Variants in SULF1 observed in about 807,000 individuals in gnomAD.
SULF1 encodes extracellular sulfatase Sulf-1.
SULF1 carries 46 observed loss-of-function variants against 110.5 expected under a neutral mutation model. That is an observed-to-expected ratio of 0.42 (90% CI 0.33 to 0.53). The LOEUF is 0.53. Among genes scored for constraint, SULF1 ranks in the 20% least tolerant of loss-of-function variants. The pLI is 0.12. For synonymous variants in SULF1, 371 were observed against 387.1 expected (o/e 0.96, Z 0.49); for missense variants, 941 against 1,094.2 (o/e 0.86, Z 1.98).
At chr8:69,544,910 T>C (rs1381184486) in intron 3 of SULF1, among the ~76,000 whole-genome samples, 1 of 152,130 alleles carries the variant, frequency 6.6e-6, no homozygotes, top group Admixed American at 6.5e-5. Context: ...AAATCCATCA[T>C]TTGGGGGTTA....
At chr8:69,538,264 A>G (rs1586340859) in intron 3 of SULF1, among the ~76,000 whole-genome samples, 2 of 115,664 alleles carry the variant, frequency 1.7e-5, no homozygotes, top group Admixed American at 1.8e-4. Context: ...TGGTTTTTAC[A>G]TTTCTGTTGC....
At chr8:69,482,549 A>G (rs1809553471) in intron 1 of SULF1, among the ~76,000 whole-genome samples, 1 of 151,826 alleles carries the variant, frequency 6.6e-6, no homozygotes, top group Non-Finnish European at 1.5e-5. Flanking sequence ...GGAGGAATAT[A>G]TATATATATA....
chr8:69,546,011 G>C (rs926189536), intron 3 of SULF1, among the ~76,000 whole-genome samples: 1 of 152,068 alleles, frequency 6.6e-6, no homozygotes, highest in Non-Finnish European at 1.5e-5. Context: ...CTGTTTTATA[G>C]AACTGTCCCA....
At chr8:69,510,703 G>A (rs1257774115) in intron 3 of SULF1, among the ~76,000 whole-genome samples, 17 of 148,518 alleles carry the variant, frequency 1.1e-4, no homozygotes, top group African/African-American at 4.2e-4. Flanking sequence ...TGCAACCTCC[G>A]CCTCCTGGGT....
intron 3 of SULF1, among the ~76,000 whole-genome samples, chr8:69,542,740 A>G (rs1342344677): frequency 1.3e-5 from 2 of 152,232 alleles, no homozygotes; most frequent in East Asian, 3.8e-4. Context: ...AATTTAGGAA[A>G]AGGGAAAGAA....
intron 13 of SULF1, among the ~76,000 whole-genome samples, chr8:69,617,425 A>C (rs1809262083): frequency 6.0e-5 from 1 of 16,716 alleles, no homozygotes; most frequent in African/African-American, 2.3e-4. Flanking sequence ...ATATATATAT[A>C]TATATATATG....
chr8:69,491,153 T>G (rs557874657), upstream of SULF1, among the ~76,000 whole-genome samples: 2 of 152,318 alleles, frequency 1.3e-5, no homozygotes, highest in South Asian at 4.2e-4. Flanking sequence ...CCACGGTCGA[T>G]CCAACTAGCA....
chr8:69,555,930 G>A (rs1354831815), intron 3 of SULF1, among the ~76,000 whole-genome samples: 1 of 152,036 alleles, frequency 6.6e-6, no homozygotes, highest in Non-Finnish European at 1.5e-5. Flanking sequence ...AAAAATTTTT[G>A]CATTGCGCCA....
chr8:69,584,939 A>G (rs1806337598), intron 6 of SULF1, among the ~76,000 whole-genome samples: 4 of 152,254 alleles, frequency 2.6e-5, no homozygotes, highest in African/African-American at 4.8e-5. Flanking sequence ...GACCAATGTC[A>G]ATAAAGTGCT....
chr8:69,470,928 T>A (rs1039307445), intron 1 of SULF1, among the ~76,000 whole-genome samples: 1 of 152,186 alleles, frequency 6.6e-6, no homozygotes, highest in African/African-American at 2.4e-5. Context: ...TAGTTTTCTA[T>A]CTTGTCTTTA....
chr8:69,635,838 C>A (rs887921737), intron 19 of SULF1, among the ~76,000 whole-genome samples: 1 of 151,352 alleles, frequency 6.6e-6, no homozygotes. Context: ...CCACTGCACT[C>A]GAGCTTGGGC....
chr8:69,645,256 G>A (rs946953597), intron 22 of SULF1, among the ~76,000 whole-genome samples: 4 of 152,048 alleles, frequency 2.6e-5, no homozygotes, highest in African/African-American at 9.7e-5. Context: ...GCTGTCAGAG[G>A]GTGTTCATCA....
At chr8:69,648,102 C>T in intron 22 of SULF1, among the ~76,000 whole-genome samples, 1 of 150,428 alleles carries the variant, frequency 6.6e-6, no homozygotes, top group Non-Finnish European at 1.5e-5. Context: ...AAGATGAATA[C>T]CAGTTTGGTC....
intron 8 of SULF1, among the ~76,000 whole-genome samples, 159 bp from the exon 9 acceptor site, chr8:69,600,444 C>A (rs889528063): frequency 1.3e-5 from 2 of 152,132 alleles, no homozygotes; most frequent in East Asian, 3.9e-4. Context: ...GTGAAGACTT[C>A]ATCTTCTTAT....
At chr8:69,524,971 G>A (rs924774782) in intron 3 of SULF1, among the ~76,000 whole-genome samples, 2 of 152,168 alleles carry the variant, frequency 1.3e-5, no homozygotes, top group Non-Finnish European at 2.9e-5. Flanking sequence ...GCAGTGGATA[G>A]CTTTATAACG....
Position 69,604,809 on chromosome 8 carries a change from T to C in SULF1, c.1254T>C (p.Phe418=). The change falls in exon 13 of 23, where the codon TTT becomes TTC. Residue 418 remains phenylalanine (F), a synonymous_variant. Coordinates refer to ENST00000402687, the MANE Select transcript of SULF1 (RefSeq NM_001128205.2). The part of the protein sequence containing the change: ...RDTFLVERGK[F]LRKKEESSKN... Reference sequence around the variant, plus strand: ...TTTTCCCTTTTTGTCGAAGCAAATTTCTACGTAAGAAGGAAGAATCCAGCA... The same window carrying C: ...TTTTCCCTTTTTGTCGAAGCAAATTCCTACGTAAGAAGGAAGAATCCAGCA... 1.2e-6 allele frequency: 2 copies of C among 1,613,868 alleles called. No individual in the cohort carries two copies. Among genetic ancestry groups the C allele is most frequent in the Non-Finnish European group, 1.7e-6 (2 of 1,179,968 alleles).
intron 1 of SULF1, among the ~76,000 whole-genome samples, chr8:69,468,788 C>T (rs1808964022): frequency 6.6e-6 from 1 of 152,150 alleles, no homozygotes; most frequent in Non-Finnish European, 1.5e-5. Flanking sequence ...AAATATTTCA[C>T]AAGAAAGTCA....
intron 3 of SULF1, among the ~76,000 whole-genome samples, chr8:69,515,557 T>C (rs927270116): frequency 2.6e-5 from 4 of 152,172 alleles, no homozygotes; most frequent in African/African-American, 9.6e-5. Flanking sequence ...GTCTTGGCTA[T>C]TAACATTCAG....
chr8:69,531,570 G>A (rs1017268400), intron 3 of SULF1, among the ~76,000 whole-genome samples: 3 of 152,108 alleles, frequency 2.0e-5, no homozygotes, highest in Admixed American at 6.5e-5. Flanking sequence ...TTGTGCTTCT[G>A]CAAAAAGTCT....
Sources: gnomAD v4.1 joint callset for allele counts (sites outside exome capture counted in the v4.1 genomes callset) on GRCh38, gnomAD v4.1.1 for gene constraint, MANE v1.5 for transcripts, NCBI Gene and HGNC (gene_info 2026-07-23, HGNC 2026-07-21) for gene names.